Variants in FANCA observed in about 807,000 individuals in gnomAD.
The protein encoded by FANCA is FA complementation group A.
A neutral mutation model predicts 194.3 loss-of-function variants in FANCA; 236 were observed. That is an observed-to-expected ratio of 1.21 (90% CI 1.09 to 1.35). The LOEUF (loss-of-function observed/expected upper bound fraction) is 1.35, where lower values mean the gene tolerates loss of function less well. FANCA is among the 40% of genes most tolerant of loss of function. The pLI, the probability that FANCA is intolerant of heterozygous loss-of-function variation, is 0.00. For synonymous variants in FANCA, 1,014 were observed against 715.8 expected, an observed-to-expected ratio of 1.42 and a Z score of -6.65; for missense variants, 2,628 against 1,813.9, an observed-to-expected ratio of 1.45 and a Z score of -8.15.
chr16:89,807,682 A>T (rs112814034), intron 6 of FANCA, among the ~76,000 whole-genome samples: 2,556 of 151,776 alleles, frequency 0.017, 83 homozygotes, highest in African/African-American at 0.06. Context: ...CAGGAGATGG[A>T]GCCCATCCTG....
chr16:89,738,634 G>C lies in FANCA; in HGVS notation c.4335C>G (p.Asp1445Glu), dbSNP rs374830555. Reference protein sequence around the residue: ...ALQSRQQAAPDADLSQEPHLF With the variant: ...ALQSRQQAAPEADLSQEPHLF ...GATGAGGCTCCTGGGACAGGTCAGC[G>C]TCAGGGGCAGCCTGCTGTCTGCTCT... is the stretch of plus-strand genomic sequence containing the variant. Residue 1445 changes from aspartate to glutamate, a missense_variant, in exon 43 of 43, where the codon GAC becomes GAG. Coordinates refer to ENST00000389301, the MANE Select transcript of FANCA (RefSeq NM_000135.4). 10 of 1,613,552 alleles carry C rather than the reference G, an allele frequency of 6.2e-6. No individual in the cohort carries two copies. The East Asian group carries it at 2.0e-4, about 32-fold the overall frequency.
chr16:89,762,241 C>G (rs1003464626), intron 28 of FANCA, among the ~76,000 whole-genome samples: 2 of 152,166 alleles, frequency 1.3e-5, no homozygotes, highest in African/African-American at 4.8e-5. Context: ...GTACTGTAAT[C>G]CTTCTTTCTA....
rs1267579056 is a variant in FANCA at position 89,738,586 on chromosome 16, C to T, written c.*15G>A. The T allele has an allele frequency of 6.2e-7, 1 of 1,612,946 alleles. No homozygotes were observed. Among genetic ancestry groups the T allele is most frequent in the Non-Finnish European group, 8.5e-7 (1 of 1,179,976 alleles). On this transcript the variant is annotated 3_prime_UTR_variant, in exon 43 of 43. Coordinates refer to ENST00000389301, the MANE Select transcript of FANCA (RefSeq NM_000135.4). ...TTTACACGGGAGCTGGGCTGGTGTG[C>T]AGTGGCAGGTCCCGTCAGAAGAGAT... is the stretch of plus-strand genomic sequence containing the variant.
chr16:89,772,205 A>G (rs1344905327), intron 22 of FANCA, among the ~76,000 whole-genome samples: 1 of 152,242 alleles, frequency 6.6e-6, no homozygotes, highest in Non-Finnish European at 1.5e-5. Context: ...CATCATTTAA[A>G]GGTGAAAACC....
In FANCA at chr16:89,738,324, C is replaced by T. The variant is rs528787665; in HGVS notation, c.*277G>A. 3.2e-5 allele frequency: 49 copies of T among 1,512,274 alleles called. No homozygotes were observed. Among genetic ancestry groups the T allele is most frequent in the East Asian group, 1.5e-4 (6 of 40,646 alleles). 93.7% of individuals were successfully genotyped at this position (1,512,274 alleles called of 1,614,324 possible). ...GTCAGCCTCACCCTTCGTGTGCACC[C>T]GCATGGGAGGGTCGGAGGGTGCTGC... is the stretch of plus-strand genomic sequence containing the variant. On this transcript the variant is annotated 3_prime_UTR_variant, in exon 43 of 43. Coordinates refer to ENST00000389301, the MANE Select transcript of FANCA (RefSeq NM_000135.4).
rs1567619908 is a variant in FANCA, at chr16:89,771,797, C to A, written c.2032G>T (p.Ala678Ser). The A allele has an allele frequency of 1.2e-6, 2 of 1,613,872 alleles. No individual in the cohort carries two copies. The highest frequency in any genetic ancestry group is 1.7e-5 in the Admixed American group (1 of 60,000). Residue 678 changes from alanine to serine, a missense_variant, in exon 23 of 43, where the codon GCA (alanine) becomes TCA (serine). Transcript: ENST00000389301. The stretch of plus-strand genomic sequence containing the variant: ...GCCCTCAGTCTTTCAGAAATCACTG[C>A]CACCTGTGCCGATATAACTGCGAAG... ...SQRDVISAQV[A>S]VISERLRAVL...
At position 89,748,031 on chromosome 16, in the gene FANCA, C is replaced by T. The variant is rs113667472; in HGVS notation, c.3348+628G>A. 2.7e-3 allele frequency among the ~76,000 whole-genome samples: 404 copies of T among 152,286 alleles called. 1 individual carries two copies. Among genetic ancestry groups the T allele is most frequent in the African/African-American group, 9.2e-3 (382 of 41,562 alleles). ...GGCTCAATTACTCCTCCTGACCCAG[C>T]CTCTCAAGTAGGTGGGAGTACAGGC... is the stretch of plus-strand genomic sequence containing the variant. On this transcript the variant is annotated intron_variant, in intron 33 of 42. Transcript: ENST00000389301.
intron 10 of FANCA, among the ~76,000 whole-genome samples, chr16:89,797,357 A>C (rs1202690889): frequency 6.6e-6 from 1 of 151,696 alleles, no homozygotes; most frequent in Non-Finnish European, 1.5e-5. Flanking sequence ...AAAGAAAGAA[A>C]ATCAAGGGTC....
intron 3 of FANCA, among the ~76,000 whole-genome samples, chr16:89,812,866 C>G (rs879900051): frequency 2.0e-5 from 3 of 151,320 alleles, no homozygotes; most frequent in Non-Finnish European, 4.4e-5. Flanking sequence ...AACCCCGCCT[C>G]TACTAAAAAT....
chr16:89,751,503 A>T (rs1187756205), intron 31 of FANCA, among the ~76,000 whole-genome samples: 1 of 152,144 alleles, frequency 6.6e-6, no homozygotes, highest in Non-Finnish European at 1.5e-5. Flanking sequence ...TACAATTAAG[A>T]GGAAAAAGCA....
At chr16:89,772,870 T>C (rs998468670) in intron 22 of FANCA, among the ~76,000 whole-genome samples, 2 of 151,506 alleles carry the variant, frequency 1.3e-5, no homozygotes, top group African/African-American at 4.8e-5. Context: ...CAGATGAACA[T>C]TTCTTACTCT....
intron 14 of FANCA, among the ~76,000 whole-genome samples, chr16:89,790,306 A>C (rs2040025350): frequency 6.6e-6 from 1 of 152,060 alleles, no homozygotes; most frequent in Admixed American, 6.6e-5. Context: ...AGGCAGGAGA[A>C]TTGCTTGAAC....
intron 5 of FANCA, among the ~76,000 whole-genome samples, chr16:89,809,581 G>A (rs1467899201): frequency 1.3e-5 from 2 of 152,026 alleles, no homozygotes; most frequent in Non-Finnish European, 2.9e-5. Context: ...AGGGCGCGGT[G>A]ACTCACACCT....
At chr16:89,752,969 G>A (rs1289458275) in intron 30 of FANCA, among the ~76,000 whole-genome samples, 2 of 152,208 alleles carry the variant, frequency 1.3e-5, no homozygotes, top group African/African-American at 4.8e-5. Context: ...CTCGCCCGCA[G>A]TTATCCGGAG....
rs1423790667 is a variant in FANCA at position 89,795,898 on chromosome 16, G to T, written c.1006+8C>A. The T allele has an allele frequency of 6.2e-7, 1 of 1,604,958 alleles. No individual in the cohort carries two copies. The highest frequency in any genetic ancestry group is 8.5e-7 in the Non-Finnish European group (1 of 1,171,648). On this transcript the variant is annotated splice_region_variant and intron_variant, in intron 11 of 42. Transcript: ENST00000389301. ...GTAGCAACTGAGCAGCCTCCACACT[G>T]GGCCTACCTTTCAGCACAGGGCTGT...
chr16:89,747,431 G>A (rs888928232), intron 33 of FANCA, among the ~76,000 whole-genome samples: 8 of 152,134 alleles, frequency 5.3e-5, no homozygotes, highest in East Asian at 1.9e-4. Context: ...GCACAAGGCC[G>A]GGCTCACACC....
At position 89,779,855 on chromosome 16, in the gene FANCA, G is replaced by A. The variant is rs1230216833; in HGVS notation, c.1715+14C>T. The A allele has an allele frequency of 3.1e-6, 5 of 1,612,426 alleles. No homozygotes were observed. Among genetic ancestry groups the A allele is most frequent in the Non-Finnish European group, 4.2e-6 (5 of 1,179,272 alleles). On this transcript the variant is annotated intron_variant, in intron 18 of 42. Coordinates refer to ENST00000389301, the MANE Select transcript of FANCA (RefSeq NM_000135.4). Reference sequence around the variant, plus strand: ...ACTGCAGCTGCTAGAGGCCTTTTCGGCAGCCCAGCCTACCTGGCCTCCATG... The same window carrying A: ...ACTGCAGCTGCTAGAGGCCTTTTCGACAGCCCAGCCTACCTGGCCTCCATG...
At chr16:89,778,235 G>C in intron 20 of FANCA, 1 of 181,918 alleles carries the variant, frequency 5.5e-6, no homozygotes, top group Non-Finnish European at 1.2e-5. Flanking sequence ...GGATGAGGTG[G>C]GTAGATCATC....
At position 89,737,669 on chromosome 16, in the gene FANCA, C is replaced by T; in HGVS notation, c.*932G>A. On this transcript the variant is annotated 3_prime_UTR_variant, in exon 43 of 43. Transcript: ENST00000389301. ...CTTAATAAACGAGGCCCTCATAGGC[C>T]CCTTGCTTGGGCCCACTGCATGGTG... 2 of 1,509,312 alleles carry T rather than the reference C, an allele frequency of 1.3e-6. No individual in the cohort carries two copies. The highest frequency in any genetic ancestry group is 8.9e-7 in the Non-Finnish European group (1 of 1,127,416). The allele number at this position is 1,509,312 out of a possible 1,614,324, so 93.5% of individuals were successfully genotyped here. A position where few individuals can be genotyped will look rare whatever the true frequency, so the allele number is the denominator to read the frequency against.
Sources: gnomAD v4.1 joint callset for allele counts (sites outside exome capture counted in the v4.1 genomes callset) on GRCh38, gnomAD v4.1.1 for gene constraint, MANE v1.5 for transcripts, NCBI Gene and HGNC (gene_info 2026-07-23, HGNC 2026-07-21) for gene names.